FAM221B: variants seen among roughly 807,000 people sequenced by gnomAD.
FAM221B encodes protein FAM221B.
Under a neutral mutation model 39.8 loss-of-function variants are expected in FAM221B, and 35 were observed. The ratio of observed to expected loss-of-function variants is 0.88; its 90% confidence interval spans 0.67 to 1.17. The LOEUF is 1.17. FAM221B is among the 50% of genes most tolerant of loss of function. FAM221B has a pLI of 0.00. For synonymous variants in FAM221B, 158 were observed against 178.1 expected (o/e 0.89, Z 0.90); for missense variants, 479 against 503.1 (o/e 0.95, Z 0.46).
chr9:35,821,360 T>C, intron 3 of FAM221B: 1 of 1,053,896 alleles, frequency 9.5e-7, no homozygotes, highest in South Asian at 1.3e-5. Flanking sequence ...ATAAGGAGAG[T>C]GGCATCATCT....
In FAM221B at chr9:35,828,419, G is replaced by A; in HGVS notation, c.-1+44C>T. The A allele has an allele frequency of 3.5e-6, 3 of 869,528 alleles. No individual in the cohort carries two copies. Among genetic ancestry groups the A allele is most frequent in the Non-Finnish European group, 4.1e-6 (3 of 724,450 alleles). 53.9% of individuals were successfully genotyped at this position (869,528 alleles called of 1,614,324 possible). A position where few individuals can be genotyped will look rare whatever the true frequency, so the allele number is the denominator to read the frequency against. ...ACTGAGGGGTGGGAGAAAGACAGAT[G>A]TCTTTGAGGGAAGAGGGCAAGGGCC... On this transcript the variant is annotated intron_variant, in intron 1 of 6. Transcript: ENST00000423537. This position sits in a 1 kb window ranked among gnomAD's most constrained non-coding sequence, Gnocchi z 4.5.
rs762775215 is a variant in FAM221B at position 35,818,891 on chromosome 9, G to A, written c.1170C>T (p.Arg390=). The A allele has an allele frequency of 2.6e-5, 41 of 1,551,746 alleles. No homozygotes were observed. Among genetic ancestry groups the A allele is most frequent in the South Asian group, 9.5e-5 (8 of 84,058 alleles). The change falls in exon 6 of 7, where the codon CGC becomes CGT. Residue 390 remains arginine (R), a splice_region_variant and synonymous_variant. Transcript: ENST00000423537. ...CCCTGTCCCAGGTTTCTGCCTCACC[G>A]CGAGGCCTTCCTCCTCGTTGCCGGG... ...QKTRQRGGRP[R]GTDTVSNWHR...
rs1829026088 is a variant in FAM221B at position 35,816,534 on chromosome 9, T to G, written c.*1935A>C. ...ATGATACTAACCCATGTGTAATCAA[T>G]TTTTCATATTTTTACAGTCTACGTA... On this transcript the variant is annotated 3_prime_UTR_variant, in exon 7 of 7. Transcript: ENST00000423537. 6.6e-6 allele frequency: 1 copy of G among 152,196 alleles called. No homozygotes were observed. The allele number at this position is 152,196 out of a possible 1,614,324, so 9.4% of individuals were successfully genotyped here. A position where few individuals can be genotyped will look rare whatever the true frequency, so the allele number is the denominator to read the frequency against.
At position 35,826,151 on chromosome 9, in the gene FAM221B, T is replaced by A; in HGVS notation, c.11A>T (p.His4Leu). 6.3e-7 allele frequency: 1 copy of A among 1,584,356 alleles called. No homozygotes were observed. Among genetic ancestry groups the A allele is most frequent in the Non-Finnish European group, 8.6e-7 (1 of 1,168,094 alleles). The change falls in exon 2 of 7, where the codon CAT (histidine) becomes CTT (leucine). Residue 4 changes from histidine (H) to leucine (L), a missense_variant. His to Leu is a moderately conservative substitution (Grantham distance 99, BLOSUM62 -3). Coordinates refer to ENST00000423537, the MANE Select transcript of FAM221B (RefSeq NM_001012446.4). The stretch of plus-strand genomic sequence containing the variant: ...GATATGAGGCTCTTCTATGATCTCA[T>A]GTGCTTCCATCTAGTGGTAGAACAG... The part of the protein sequence containing the change: MEA[H>L]EIIEEPHITM...
At chr9:35,824,382 T>C (rs1051216141) in intron 3 of FAM221B, among the ~76,000 whole-genome samples, 3 of 152,174 alleles carry the variant, frequency 2.0e-5, no homozygotes, top group Non-Finnish European at 4.4e-5. Context: ...CTAACAGGAC[T>C]GTCAAGAGTA....
rs896447425 is a variant in FAM221B, at chr9:35,826,005, T to C, written c.157A>G (p.Thr53Ala). ...GATGGCACCAAAGGGGATTCAGAGG[T>C]ATGGGGCTCTAACGGGGTCTCAGAG... ...STSETPLEPH[T>A]SESPLVPSPS... is the part of the protein sequence containing the mutation. The change falls in exon 2 of 7, where the codon ACC (threonine) becomes GCC (alanine). Residue 53 changes from threonine to alanine, a missense_variant. By Grantham distance (58) the Thr-to-Ala change is moderately conservative (BLOSUM62 0). Transcript: ENST00000423537. 6.2e-7 allele frequency: 1 copy of C among 1,613,662 alleles called. No homozygotes were observed.
At position 35,818,972 on chromosome 9, in the gene FAM221B, A is replaced by G; in HGVS notation, c.1089T>C (p.Cys363=). ...CCGCFESNFL[C]AACDRRWEEH... ...CCTCCCAGCGCCGGTCACAGGCCGCACAGAGGAAATTAGACTCAAAACAGC... is the reference window on the plus strand; with the variant it reads ...CCTCCCAGCGCCGGTCACAGGCCGCGCAGAGGAAATTAGACTCAAAACAGC... The change falls in exon 6 of 7, where the codon TGT becomes TGC. Residue 363 remains cysteine, a synonymous_variant. Transcript: ENST00000423537. 6.4e-7 allele frequency: 1 copy of G among 1,551,732 alleles called. No individual in the cohort carries two copies. Among genetic ancestry groups the G allele is most frequent in the Non-Finnish European group, 8.7e-7 (1 of 1,147,012 alleles).
At chr9:35,820,988 G>T (rs1829137537) in intron 3 of FAM221B, among the ~76,000 whole-genome samples, 1 of 152,290 alleles carries the variant, frequency 6.6e-6, no homozygotes, top group East Asian at 1.9e-4. Flanking sequence ...CCCATGCAGT[G>T]GGACTGCCAG....
intron 6 of FAM221B, 21 bp from the exon 7 acceptor site, chr9:35,818,527 G>C (rs1281084454): frequency 6.4e-7 from 1 of 1,551,446 alleles, no homozygotes. Context: ...AAAGAGCAGA[G>C]GTGAAAGGGT....
rs1829056931 is a variant in FAM221B, at chr9:35,818,196, A to T, written c.*273T>A. On this transcript the variant is annotated 3_prime_UTR_variant, in exon 7 of 7. Coordinates refer to ENST00000423537, the MANE Select transcript of FAM221B (RefSeq NM_001012446.4). The stretch of plus-strand genomic sequence containing the variant: ...ATGGACACTTTTCAGTCTTTATCTT[A>T]TTGGTGCCCCAACTGCATCTAACAT... 1 of 498,232 alleles carries T rather than the reference A, an allele frequency of 2.0e-6. No individual in the cohort carries two copies. The highest frequency in any genetic ancestry group is 3.6e-6 in the Non-Finnish European group (1 of 274,400). 30.9% of individuals were successfully genotyped at this position (498,232 alleles called of 1,614,324 possible).
intron 3 of FAM221B, 92 bp from the exon 4 acceptor site, chr9:35,820,092 G>A (rs1829117895): frequency 2.4e-6 from 2 of 839,278 alleles, no homozygotes; most frequent in Admixed American, 4.3e-5. Context: ...GAGGGGGTGG[G>A]GGGAACTTAC....
chr9:35,818,432 C>G lies in FAM221B; in HGVS notation c.*37G>C, dbSNP rs992182181. ...GCCCCATATAGAGCCAAGTCAGGTT[C>G]CAATGACTCCTCTTTTATTGCTGAT... On this transcript the variant is annotated 3_prime_UTR_variant, in exon 7 of 7. Coordinates refer to ENST00000423537, the MANE Select transcript of FAM221B (RefSeq NM_001012446.4). 1 of 1,549,402 alleles carries G rather than the reference C, an allele frequency of 6.5e-7. No individual in the cohort carries two copies. The highest frequency in any genetic ancestry group is 1.4e-5 in the African/African-American group (1 of 73,028).
rs773370792 is a variant in FAM221B at position 35,819,956 on chromosome 9, A to G, written c.787T>C (p.Phe263Leu). The stretch of plus-strand genomic sequence containing the variant: ...CATCTGGACTCATCCCCAATCCGGA[A>G]ACAGTCCCATAGGTAATGGGGGCAG... ...WRCPHYLWDC[F>L]RIGDESRCFC... The change falls in exon 4 of 7, where the codon TTC (phenylalanine) becomes CTC (leucine). Residue 263 changes from phenylalanine to leucine, a missense_variant. Physicochemically the swap from Phe to Leu is conservative, Grantham distance 22 (BLOSUM62 0). Coordinates refer to ENST00000423537, the MANE Select transcript of FAM221B (RefSeq NM_001012446.4). 3 of 1,614,144 alleles carry G rather than the reference A, an allele frequency of 1.9e-6. No individual in the cohort carries two copies. Among genetic ancestry groups the G allele is most frequent in the Non-Finnish European group, 1.7e-6 (2 of 1,180,014 alleles).
At chr9:35,819,548 A>G (rs931841593) in intron 4 of FAM221B, among the ~76,000 whole-genome samples, 154 bp from the exon 5 acceptor site, 2 of 151,098 alleles carry the variant, frequency 1.3e-5, no homozygotes, top group South Asian at 2.1e-4. Context: ...GCTGGAGTGC[A>G]GTGGCATGAT....
At chr9:35,819,137 C>T (rs553510024) in intron 5 of FAM221B, 60 bp downstream of exon 5, 3 of 1,533,276 alleles carry the variant, frequency 2.0e-6, no homozygotes, top group Admixed American at 4.0e-5. Flanking sequence ...TCATTATCCC[C>T]AGATTGCATC....
Position 35,825,407 on chromosome 9 carries a change from G to A in FAM221B, c.599-34C>T, listed in dbSNP as rs1482299066. The A allele has an allele frequency of 6.2e-7, 1 of 1,613,008 alleles. No homozygotes were observed. Among genetic ancestry groups the A allele is most frequent in the African/African-American group, 1.3e-5 (1 of 74,936 alleles). ...GGAGAGGATGAGTAACCAGGGGGAAGTGAGAAGGCCCTAAAACTAAGAGAA... is the reference window on the plus strand; with the variant it reads ...GGAGAGGATGAGTAACCAGGGGGAAATGAGAAGGCCCTAAAACTAAGAGAA... On this transcript the variant is annotated intron_variant, in intron 2 of 6. Coordinates refer to ENST00000423537, the MANE Select transcript of FAM221B (RefSeq NM_001012446.4). This position sits in a 1 kb window ranked among gnomAD's most constrained non-coding sequence, Gnocchi z 4.2.
Position 35,825,485 on chromosome 9 carries a change from C to T in FAM221B, c.598+79G>A. On this transcript the variant is annotated intron_variant, in intron 2 of 6. Coordinates refer to ENST00000423537, the MANE Select transcript of FAM221B (RefSeq NM_001012446.4). The surrounding 1 kb of genome is among the most constrained non-coding windows in gnomAD (Gnocchi z 4.2). ...TCCTCCTCCTGGGGCAAGTCAAGGA[C>T]AGTGAATAGTAGTGAGAACAGGACA... 6.3e-7 allele frequency: 1 copy of T among 1,578,090 alleles called. No homozygotes were observed. Among genetic ancestry groups the T allele is most frequent in the Non-Finnish European group, 8.7e-7 (1 of 1,155,952 alleles).
chr9:35,818,873 C>A lies in FAM221B; in HGVS notation c.1171+17G>T, dbSNP rs769875459. ...ACAGACCCTGGAATGGCCCCCTGTC[C>A]CAGGTTTCTGCCTCACCGCGAGGCC... On this transcript the variant is annotated intron_variant, in intron 6 of 6. Coordinates refer to ENST00000423537, the MANE Select transcript of FAM221B (RefSeq NM_001012446.4). 4.0e-5 allele frequency: 62 copies of A among 1,551,262 alleles called. No individual in the cohort carries two copies. The highest frequency in any genetic ancestry group is 5.1e-5 in the Non-Finnish European group (58 of 1,147,040).
At chr9:35,822,723 A>C (rs570794423) in intron 3 of FAM221B, among the ~76,000 whole-genome samples, 1 of 151,834 alleles carries the variant, frequency 6.6e-6, no homozygotes, top group African/African-American at 2.4e-5. Flanking sequence ...CATTTCTTGA[A>C]CCTGTCCACT....
Sources: gnomAD v4.1 joint callset for allele counts (sites outside exome capture counted in the v4.1 genomes callset) on GRCh38, gnomAD v4.1.1 for gene constraint, Gnocchi (gnomAD v3.1) non-coding constraint, MANE v1.5 for transcripts, NCBI Gene and HGNC (gene_info 2026-07-23, HGNC 2026-07-21) for gene names.